Variants in NCALD observed in about 807,000 individuals in gnomAD.
NCALD encodes neurocalcin-delta.
In NCALD, 10 loss-of-function variants were observed where a neutral mutation model predicts 18.6. The observed-to-expected ratio is 0.54, with a 90% CI of 0.33 to 0.91. NCALD has a LOEUF of 0.91. NCALD is among the 40% of genes least tolerant of loss of function. The pLI is 0.03. For missense variants in NCALD, 184 were observed against 247.6 expected (o/e 0.74, Z 1.72); for synonymous variants, 88 against 87.4 (o/e 1.01, Z -0.04).
chr8:101,730,889 T>C (rs4734591), intron 1 of NCALD, among the ~76,000 whole-genome samples: 40,160 of 152,048 alleles, frequency 0.26, 5,895 homozygotes, highest in East Asian at 0.48. Flanking sequence ...ATGGTGCTTA[T>C]GGTGTAGTGG....
intron 2 of NCALD, among the ~76,000 whole-genome samples, chr8:101,998,641 T>TTGTTTC (rs1821326334): frequency 2.6e-5 from 4 of 152,180 alleles, no homozygotes; most frequent in Admixed American, 2.6e-4. Context: ...TTTGCTCCTC[T>TTGTTTC]TGTTTCTGTG....
At chr8:102,011,544 T>C (rs567210311) in intron 2 of NCALD, among the ~76,000 whole-genome samples, 1 of 152,352 alleles carries the variant, frequency 6.6e-6, no homozygotes, top group South Asian at 2.1e-4. Context: ...TGCAATGAAT[T>C]AATGTCAGAA....
chr8:101,896,353 C>T (rs867051981), intron 3 of NCALD, among the ~76,000 whole-genome samples: 9,971 of 151,578 alleles, frequency 0.066, 665 homozygotes, highest in African/African-American at 0.17. Flanking sequence ...ACACCTTATA[C>T]AAAAATCAAT....
chr8:101,908,324 TG>T (rs990020440), intron 3 of NCALD, among the ~76,000 whole-genome samples: 10 of 152,174 alleles, frequency 6.6e-5, no homozygotes, highest in African/African-American at 2.4e-4. Flanking sequence ...TTTATGTGCT[TG>T]GGAGTTTGTG....
chr8:101,893,980 C>A (rs1431844190), intron 3 of NCALD, among the ~76,000 whole-genome samples: 2 of 146,424 alleles, frequency 1.4e-5, no homozygotes. Context: ...ACAAGGATAC[C>A]CAGGAATTGA....
intron 4 of NCALD, among the ~76,000 whole-genome samples, chr8:101,804,729 C>T (rs898372834): frequency 2.1e-5 from 3 of 145,294 alleles, no homozygotes. Context: ...AAATATAATG[C>T]TTTTAAAAAC....
chr8:101,769,981 A>G (rs901272964), intron 1 of NCALD, among the ~76,000 whole-genome samples: 8 of 152,196 alleles, frequency 5.3e-5, no homozygotes, highest in African/African-American at 1.9e-4. Flanking sequence ...AACATGAACA[A>G]AGATCATTCA....
chr8:101,695,686 A>T (rs996239567), intron 2 of NCALD, among the ~76,000 whole-genome samples: 3 of 152,076 alleles, frequency 2.0e-5, no homozygotes, highest in Non-Finnish European at 2.9e-5. Flanking sequence ...CTGTGCTAGC[A>T]AGGGGCTCCA....
intron 1 of NCALD, among the ~76,000 whole-genome samples, chr8:101,729,938 A>C (rs1166806946): frequency 6.6e-6 from 1 of 152,194 alleles, no homozygotes; most frequent in Non-Finnish European, 1.5e-5. Context: ...CCAAATATGG[A>C]AATACCATTT....
rs73696582 is a variant in NCALD at position 101,930,343 on chromosome 8, C to A, written c.-156-14485G>T. Among the ~76,000 whole-genome samples the A allele has an allele frequency of 2.0e-5, 3 of 152,172 alleles. No homozygotes were observed. The East Asian group carries it at 5.8e-4, about 30-fold the overall frequency. ...CCCAAAATGCCTCTGGCTACTCCAACGCCATCTCCCTGCTGATCAATGCTA... is the reference window on the plus strand; with the variant it reads ...CCCAAAATGCCTCTGGCTACTCCAAAGCCATCTCCCTGCTGATCAATGCTA... On this transcript the variant is annotated intron_variant, in intron 2 of 6. Transcript: ENST00000311028.
chr8:101,942,562 C>A (rs1158137031), intron 2 of NCALD, among the ~76,000 whole-genome samples: 1 of 152,218 alleles, frequency 6.6e-6, no homozygotes, highest in Non-Finnish European at 1.5e-5. Flanking sequence ...AACATAAGAA[C>A]TACCCCAATT....
rs189492892 is a variant in NCALD, at chr8:101,705,000, C to T, written c.379-12104G>A. ...CAGCACTTAGGGAGGCCGAGGTGGGCGGATCACAAGGTTAGGAGTTCGAGA... is the reference window on the plus strand; with the variant it reads ...CAGCACTTAGGGAGGCCGAGGTGGGTGGATCACAAGGTTAGGAGTTCGAGA... On this transcript the variant is annotated intron_variant, in intron 2 of 3. Coordinates refer to ENST00000220931, the MANE Select transcript of NCALD (RefSeq NM_032041.3). 5.5e-4 allele frequency among the ~76,000 whole-genome samples: 84 copies of T among 151,956 alleles called. No individual in the cohort carries two copies. In the East Asian group the frequency reaches 6.0e-3, roughly 11 times the overall value.
chr8:101,737,757 C>A (rs1809992463), intron 1 of NCALD, among the ~76,000 whole-genome samples: 1 of 152,206 alleles, frequency 6.6e-6, no homozygotes. Context: ...TTCCTCTCCC[C>A]AGGGAGCACT....
Position 101,724,615 on chromosome 8 carries a change from C to T in NCALD, c.-19-4967G>A, listed in dbSNP as rs575607027. Among the ~76,000 whole-genome samples, 7 of 152,328 alleles carry T rather than the reference C, an allele frequency of 4.6e-5. No individual in the cohort carries two copies. The East Asian group carries it at 5.8e-4, about 13-fold the overall frequency. On this transcript the variant is annotated intron_variant, in intron 1 of 3. Transcript: ENST00000220931. The stretch of plus-strand genomic sequence containing the variant: ...GCTCTGGCATTCAGTCAGGGCCAGA[C>T]GCTGCCATAAATGAAAATGATGCCT...
In NCALD at chr8:101,847,044, T is replaced by C. The variant is rs952296832; in HGVS notation, c.-20+40097A>G. 3.3e-5 allele frequency among the ~76,000 whole-genome samples: 5 copies of C among 152,156 alleles called. No homozygotes were observed. The East Asian group carries it at 9.6e-4, about 29-fold the overall frequency. ...ACAATATATCCAGCCTTAAAAACACTACATTTTCCAGACTTCTTTCAGCTA... is the reference window on the plus strand; with the variant it reads ...ACAATATATCCAGCCTTAAAAACACCACATTTTCCAGACTTCTTTCAGCTA... On this transcript the variant is annotated intron_variant, in intron 4 of 6. Transcript: ENST00000311028.
At chr8:101,878,686 T>A (rs373789248) in intron 4 of NCALD, among the ~76,000 whole-genome samples, 13 of 152,354 alleles carry the variant, frequency 8.5e-5, no homozygotes, top group East Asian at 5.8e-4. Context: ...TTAGACTTTG[T>A]ATTAAAGAGC....
At chr8:101,728,750 T>C (rs887466703) in intron 1 of NCALD, among the ~76,000 whole-genome samples, 5 of 152,004 alleles carry the variant, frequency 3.3e-5, no homozygotes, top group African/African-American at 1.2e-4. Flanking sequence ...AACCAGGGAG[T>C]TGGAGGTTGC....
At chr8:101,797,180 C>T (rs1033106327) in intron 4 of NCALD, among the ~76,000 whole-genome samples, 2 of 152,242 alleles carry the variant, frequency 1.3e-5, no homozygotes, top group African/African-American at 4.8e-5. Context: ...TGCCCTCAAC[C>T]TTGGCAAAAT....
At position 101,763,432 on chromosome 8, in the gene NCALD, C is replaced by T. The variant is rs77509779; in HGVS notation, c.-20+27430G>A. ...GCTTGAGCTAAAACTGGAAGGGTGACGTTGGTAACCAATGACAGGGAAAGG... is the reference window on the plus strand; with the variant it reads ...GCTTGAGCTAAAACTGGAAGGGTGATGTTGGTAACCAATGACAGGGAAAGG... On this transcript the variant is annotated intron_variant, in intron 1 of 3. Transcript: ENST00000220931. 3.7e-4 allele frequency among the ~76,000 whole-genome samples: 57 copies of T among 152,218 alleles called. No individual in the cohort carries two copies. The East Asian group carries it at 0.01, about 27-fold the overall frequency.
Sources: allele counts gnomAD v4.1 joint callset (sites outside exome capture counted in the v4.1 genomes callset), GRCh38; gene constraint gnomAD v4.1.1; transcripts MANE v1.5; gene names NCBI Gene and HGNC (gene_info 2026-07-23, HGNC 2026-07-21).